The following CCNB1 variants were observed in gnomAD, a reference collection of about 807,000 sequenced individuals.
The protein encoded by CCNB1 is cyclin B1.
In CCNB1, 26 loss-of-function variants were observed where a neutral mutation model predicts 44.4. That is an observed-to-expected ratio of 0.59 (90% CI 0.43 to 0.81). The LOEUF (loss-of-function observed/expected upper bound fraction) is 0.81, where lower values mean the gene tolerates loss of function less well. Among genes scored for constraint, CCNB1 ranks in the 40% least tolerant of loss-of-function variants. The pLI is 0.00. For synonymous variants in CCNB1, 195 were observed against 181.4 expected, an observed-to-expected ratio of 1.08 and a Z score of -0.60; for missense variants, 477 against 520.9, an observed-to-expected ratio of 0.92 and a Z score of 0.82.
chr5:69,177,495 T>C, intron 8 of CCNB1, 29 bp from the exon 9 acceptor site: 1 of 1,492,682 alleles, frequency 6.7e-7, no homozygotes, highest in Non-Finnish European at 9.3e-7. Context: ...TTCTTTTGCC[T>C]CTTTAATTGC....
intron 4 of CCNB1, among the ~76,000 whole-genome samples, 168 bp downstream of exon 4, chr5:69,171,620 C>T (rs1470951616): frequency 6.6e-6 from 1 of 152,132 alleles, no homozygotes; most frequent in Non-Finnish European, 1.5e-5. Flanking sequence ...ACTAAATAAA[C>T]CAATGGAGTC....
At chr5:69,175,256 T>C in intron 6 of CCNB1, 141 bp from the exon 7 acceptor site, 1 of 1,043,970 alleles carries the variant, frequency 9.6e-7, no homozygotes, top group Non-Finnish European at 1.4e-6. Flanking sequence ...CTAGTCAGGC[T>C]GCATGTTAAT....
chr5:69,170,497 ATAAAGAC>A (rs1226275586), intron 3 of CCNB1, among the ~76,000 whole-genome samples: 2 of 152,222 alleles, frequency 1.3e-5, no homozygotes, highest in Non-Finnish European at 2.9e-5. Flanking sequence ...ATATTATGAA[ATAAAGAC>A]TAAAGACTGA....
At chr5:69,176,944 T>C (rs1747609532) in intron 7 of CCNB1, 2 of 215,784 alleles carry the variant, frequency 9.3e-6, no homozygotes, top group South Asian at 7.6e-5. Context: ...TACCATGCAC[T>C]CCAGCCTGGA....
In CCNB1 at chr5:69,167,608, C is replaced by A. The variant is rs1008273272; in HGVS notation, c.22-300C>A. On this transcript the variant is annotated intron_variant, in intron 1 of 8. Transcript: ENST00000256442. ...GGCCCGCCAGCAACTCTGTAACCCC[C>A]TTCCCAGAGAGAAGGTGTCTGCAAT... The A allele has an allele frequency of 4.0e-6, 2 of 503,426 alleles. 1 individual carries two copies. Among genetic ancestry groups the A allele is most frequent in the Non-Finnish European group, 7.0e-6 (2 of 286,180 alleles). 31.2% of individuals were successfully genotyped at this position (503,426 alleles called of 1,614,324 possible). A position where few individuals can be genotyped will look rare whatever the true frequency, so the allele number is the denominator to read the frequency against.
chr5:69,177,357 AAT>A lies in CCNB1; in HGVS notation c.1194+12_1194+13del. 6.5e-7 allele frequency: 1 copy of A among 1,533,054 alleles called. No individual in the cohort carries two copies. Among genetic ancestry groups the A allele is most frequent in the Non-Finnish European group, 9.0e-7 (1 of 1,106,910 alleles). The allele number at this position is 1,533,054 out of a possible 1,614,324, so 95.0% of individuals were successfully genotyped here. A position where few individuals can be genotyped will look rare whatever the true frequency, so the allele number is the denominator to read the frequency against. On this transcript the variant is annotated intron_variant, in intron 8 of 8. Transcript: ENST00000256442. ...GGACTTACAAAGCACATGGTGAGTC[AAT>A]ATAGTGGCATTGTAAGATGCTGAAA...
At chr5:69,175,994 T>C (rs1450561333) in intron 7 of CCNB1, among the ~76,000 whole-genome samples, 1 of 134,600 alleles carries the variant, frequency 7.4e-6, no homozygotes, top group East Asian at 2.2e-4. Flanking sequence ...TATATATATA[T>C]ATATATATAT....
chr5:69,173,533 G>C (rs868386379), intron 4 of CCNB1, among the ~76,000 whole-genome samples: 11 of 152,292 alleles, frequency 7.2e-5, no homozygotes, highest in African/African-American at 2.6e-4. Context: ...ATTTAACCCA[G>C]GAGCAGGCAG....
In CCNB1 at chr5:69,175,420, G is replaced by A. The variant is rs1128761; in HGVS notation, c.966G>A (p.Leu322=). ...AGGTTGATGTCGAGCAACATACTTT[G>A]GCCAAATACCTGATGGAACTAACTA... The part of the protein sequence containing the change: ...IGEVDVEQHT[L]AKYLMELTML... Residue 322 remains leucine (L), a synonymous_variant, in exon 7 of 9, where the codon TTG becomes TTA. Transcript: ENST00000256442. The A allele has an allele frequency of 0.13, 209,874 of 1,612,852 alleles. 14,830 individuals are homozygous for A. Among genetic ancestry groups the A allele is most frequent in the African/African-American group, 0.26 (19,124 of 74,888 alleles).
chr5:69,174,395 G>A lies in CCNB1; in HGVS notation c.691G>A (p.Asp231Asn). The change falls in exon 5 of 9, where the codon GAT (aspartate) becomes AAT (asparagine). Residue 231 changes from aspartate (D) to asparagine (N), a missense_variant. Transcript: ENST00000256442. The stretch of plus-strand genomic sequence containing the variant: ...CATGTACATGACTGTCTCCATTATT[G>A]ATCGGTTCATGCAGGTGAGCATTTC... ...ETMYMTVSII[D>N]RFMQNNCVPK... 1 of 1,613,980 alleles carries A rather than the reference G, an allele frequency of 6.2e-7. No homozygotes were observed.
intron 4 of CCNB1, among the ~76,000 whole-genome samples, chr5:69,173,492 C>T (rs1747508599): frequency 6.6e-6 from 1 of 152,170 alleles, no homozygotes; most frequent in East Asian, 1.9e-4. Flanking sequence ...TCACTGTTGT[C>T]CCCACAGTTC....
rs745557563 is a variant in CCNB1, at chr5:69,168,053, T to C, written c.167T>C (p.Leu56Pro). Residue 56 changes from leucine to proline, a missense_variant, in exon 2 of 9, where the codon CTG becomes CCG. Transcript: ENST00000256442. Reference protein sequence around the residue: ...GDIGNKVSEQLQAKMPMKKEA... With the variant: ...GDIGNKVSEQPQAKMPMKKEA... ...ATTGGTAACAAAGTCAGTGAACAAC[T>C]GCAGGCCAAAATGCCTATGAAGAAG... The C allele has an allele frequency of 5.0e-6, 8 of 1,613,918 alleles. No individual in the cohort carries two copies. In the East Asian group the frequency reaches 1.8e-4, roughly 36 times the overall value.
At chr5:69,174,017 C>T (rs1178844117) in intron 4 of CCNB1, among the ~76,000 whole-genome samples, 3 of 152,178 alleles carry the variant, frequency 2.0e-5, no homozygotes, top group Non-Finnish European at 4.4e-5. Flanking sequence ...AATCTGCCAA[C>T]TTCAGCCTCC....
intron 4 of CCNB1, among the ~76,000 whole-genome samples, chr5:69,171,930 TTTTTGG>T (rs1747467920): frequency 6.6e-6 from 1 of 152,250 alleles, no homozygotes; most frequent in African/African-American, 2.4e-5. Flanking sequence ...AAAAGCTACT[TTTTTGG>T]TTCACTTCAA....
intron 7 of CCNB1, 72 bp downstream of exon 7, chr5:69,175,609 T>TAAAA: frequency 7.1e-7 from 1 of 1,414,056 alleles, no homozygotes; most frequent in East Asian, 2.3e-5. Context: ...CTTTTGTTAT[T>TAAAA]AAAAGGCAAT....
At chr5:69,168,753 G>A (rs989324243) in intron 3 of CCNB1, among the ~76,000 whole-genome samples, 3 of 152,170 alleles carry the variant, frequency 2.0e-5, no homozygotes, top group Non-Finnish European at 4.4e-5. Flanking sequence ...ATTTATTGGC[G>A]TAAACATAGA....
chr5:69,171,279 G>T lies in CCNB1; in HGVS notation c.373G>T (p.Ala125Ser), dbSNP rs896594579. Residue 125 changes from alanine to serine, a missense_variant, in exon 4 of 9, where the codon GCC becomes TCC. Transcript: ENST00000256442. Reference sequence around the variant, plus strand: ...ATCTCTTTGTTTCAAGGTTGATACTGCCTCTCCAAGCCCAATGGAAACATC... The same window carrying T: ...ATCTCTTTGTTTCAAGGTTGATACTTCCTCTCCAAGCCCAATGGAAACATC... ...LSPEPILVDT[A>S]SPSPMETSGC... 1.5e-5 allele frequency: 24 copies of T among 1,607,210 alleles called. 1 individual carries two copies. In the African/African-American group the frequency reaches 1.7e-4, roughly 12 times the overall value.
intron 1 of CCNB1, 147 bp downstream of exon 1, chr5:69,167,430 G>C (rs1184211249): frequency 3.7e-6 from 3 of 807,076 alleles, no homozygotes; most frequent in Non-Finnish European, 6.1e-6. Flanking sequence ...AGAGAGCGCC[G>C]AGGTGGGCCC....
At chr5:69,176,171 A>G (rs1209762846) in intron 7 of CCNB1, among the ~76,000 whole-genome samples, 1 of 151,586 alleles carries the variant, frequency 6.6e-6, no homozygotes, top group Non-Finnish European at 1.5e-5. Context: ...TACAGGCGTG[A>G]GCCATTGCAA....
Sources: allele counts gnomAD v4.1 joint callset (sites outside exome capture counted in the v4.1 genomes callset), GRCh38; gene constraint gnomAD v4.1.1; transcripts MANE v1.5; gene names NCBI Gene and HGNC (gene_info 2026-07-23, HGNC 2026-07-21).